ATAD2B: variants seen among roughly 807,000 people sequenced by gnomAD.
ATAD2B encodes ATPase family AAA domain containing 2B.
In ATAD2B, 40 loss-of-function variants were observed where a neutral mutation model predicts 167.6. That is an observed-to-expected ratio of 0.24 (90% CI 0.19 to 0.31). The LOEUF (loss-of-function observed/expected upper bound fraction) is 0.31. Ranked by LOEUF, ATAD2B falls within the 10% of genes least tolerant of loss-of-function variation. ATAD2B has a pLI of 1.00. For synonymous variants in ATAD2B, 579 were observed against 596.5 expected (o/e 0.97, Z 0.43); for missense variants, 1,242 against 1,757.2 (o/e 0.71, Z 5.24).
the ATAD2B span, among the ~76,000 whole-genome samples, chr2:23,730,998 C>T: frequency 6.6e-6 from 1 of 151,872 alleles, no homozygotes; most frequent in African/African-American, 2.4e-5. Context: ...ACAGATGAAA[C>T]AGAGATTACA....
chr2:23,732,172 G>T, the ATAD2B span, among the ~76,000 whole-genome samples: 1 of 152,118 alleles, frequency 6.6e-6, no homozygotes, highest in Non-Finnish European at 1.5e-5. Context: ...AAAGATAAAT[G>T]AACATAGCCT....
chr2:23,765,845 A>G (rs1175160895), intron 22 of ATAD2B, among the ~76,000 whole-genome samples: 1 of 152,188 alleles, frequency 6.6e-6, no homozygotes, highest in Non-Finnish European at 1.5e-5. Flanking sequence ...TCAAAGGACT[A>G]AACCTATTAC....
chr2:23,778,434 T>C (rs1365700627), intron 22 of ATAD2B, among the ~76,000 whole-genome samples: 1 of 152,182 alleles, frequency 6.6e-6, no homozygotes, highest in African/African-American at 2.4e-5. Context: ...CTTAGATTTG[T>C]TTCAAAATAG....
chr2:23,800,596 C>T (rs565982062), intron 18 of ATAD2B, among the ~76,000 whole-genome samples: 14 of 152,042 alleles, frequency 9.2e-5, no homozygotes, highest in African/African-American at 3.4e-4. Flanking sequence ...TTTTTTCCTC[C>T]AATTGTCTCA....
intron 15 of ATAD2B, among the ~76,000 whole-genome samples, chr2:23,826,991 T>G (rs1356471600): frequency 6.6e-6 from 1 of 152,216 alleles, no homozygotes; most frequent in African/African-American, 2.4e-5. Context: ...ACTGAACCTA[T>G]TCATGTTAAA....
Position 23,749,314 on chromosome 2 carries a change from G to C in ATAD2B, c.*2732C>G, listed in dbSNP as rs1359274592. 1 of 152,120 alleles carries C rather than the reference G, an allele frequency of 6.6e-6. No homozygotes were observed. The highest frequency in any genetic ancestry group is 1.5e-5 in the Non-Finnish European group (1 of 68,014). The allele number at this position is 152,120 out of a possible 1,614,324, so 9.4% of individuals were successfully genotyped here. On this transcript the variant is annotated 3_prime_UTR_variant, in exon 28 of 28. Transcript: ENST00000238789. Reference sequence around the variant, plus strand: ...TGAGCATGAATTATTGCTGAGCTATGCTGTGATACATATTTTACTCATCTG... The same window carrying C: ...TGAGCATGAATTATTGCTGAGCTATCCTGTGATACATATTTTACTCATCTG...
chr2:23,691,905 G>C, the ATAD2B span: 41 of 1,541,232 alleles, frequency 2.7e-5, no homozygotes, highest in Middle Eastern at 6.7e-4. Context: ...TATGTCGCTT[G>C]GGGGGAAGAG....
intron 13 of ATAD2B, among the ~76,000 whole-genome samples, chr2:23,839,872 A>G (rs1690605058): frequency 6.6e-6 from 1 of 152,092 alleles, no homozygotes; most frequent in Admixed American, 6.5e-5. Context: ...TTCTCCACCC[A>G]TACTGACCCT....
chr2:23,877,161 G>A (rs943989448), intron 7 of ATAD2B, among the ~76,000 whole-genome samples: 5 of 151,474 alleles, frequency 3.3e-5, no homozygotes, highest in African/African-American at 7.3e-5. Flanking sequence ...GCAGGGTCCC[G>A]GGACTTTGGA....
intron 1 of ATAD2B, among the ~76,000 whole-genome samples, chr2:23,909,855 T>G (rs559716384): frequency 3.9e-5 from 6 of 152,008 alleles, no homozygotes; most frequent in Admixed American, 6.6e-5. Flanking sequence ...GGTTGTTTTT[T>G]TTTGTTTGTT....
chr2:23,881,289 ATT>A (rs1214530630), intron 6 of ATAD2B, among the ~76,000 whole-genome samples: 2 of 151,708 alleles, frequency 1.3e-5, no homozygotes, highest in East Asian at 3.9e-4. Context: ...GCACATAAGC[ATT>A]GAGAGGGAGC....
chr2:23,696,730 C>T, the ATAD2B span: 7 of 484,722 alleles, frequency 1.4e-5, no homozygotes, highest in East Asian at 3.8e-5. The surrounding 1 kb of genome is among the most constrained non-coding windows in gnomAD (Gnocchi z 5.5). Flanking sequence ...CCTTTGCAGT[C>T]GCTGAGATGG....
chr2:23,861,256 C>T (rs925845155), intron 12 of ATAD2B, among the ~76,000 whole-genome samples: 1 of 149,466 alleles, frequency 6.7e-6, no homozygotes, highest in African/African-American at 2.5e-5. Context: ...TCAGTGAAAT[C>T]TCATAACAGT....
chr2:23,851,650 C>T (rs557000104), intron 13 of ATAD2B, among the ~76,000 whole-genome samples: 1 of 152,230 alleles, frequency 6.6e-6, no homozygotes, highest in Non-Finnish European at 1.5e-5. Context: ...AAGGTTCACG[C>T]TTGATGATAT....
At chr2:23,776,216 A>T (rs949657579) in intron 22 of ATAD2B, among the ~76,000 whole-genome samples, 1 of 152,174 alleles carries the variant, frequency 6.6e-6, no homozygotes, top group African/African-American at 2.4e-5. Flanking sequence ...CCTGCCCATA[A>T]ATCTGTTCCT....
intron 6 of ATAD2B, among the ~76,000 whole-genome samples, chr2:23,882,808 T>TCAA (rs570777960): frequency 6.8e-6 from 1 of 146,800 alleles, no homozygotes; most frequent in Admixed American, 6.9e-5. Context: ...AGACTCCATC[T>TCAA]CAACAACAAC....
chr2:23,871,738 CAT>C (rs1696003437), intron 8 of ATAD2B, among the ~76,000 whole-genome samples: 1 of 152,210 alleles, frequency 6.6e-6, no homozygotes, highest in Non-Finnish European at 1.5e-5. Context: ...CCAATGCCCA[CAT>C]GTCCCATTAG....
chr2:23,872,863 G>A (rs1007410126), intron 8 of ATAD2B: 7 of 908,656 alleles, frequency 7.7e-6, no homozygotes, highest in African/African-American at 1.6e-5. Context: ...CAAACTCATA[G>A]CCAGCCATCT....
In ATAD2B at chr2:23,757,780, G is replaced by A. The variant is rs1330937007; in HGVS notation, c.3716C>T (p.Ser1239Leu). 23 of 1,581,264 alleles carry A rather than the reference G, an allele frequency of 1.5e-5. No homozygotes were observed. The highest frequency in any genetic ancestry group is 2.7e-5 in the African/African-American group (2 of 73,060). Residue 1239 changes from serine to leucine, a missense_variant, in exon 25 of 28, where the codon TCA becomes TTA. Coordinates refer to ENST00000238789, the MANE Select transcript of ATAD2B (RefSeq NM_017552.4). ...ENFASTEEESSNESLLVNSSS... is the reference protein window; with the variant it reads ...ENFASTEEESLNESLLVNSSS... ...GCTGTTGACCAGTAGAGATTCATTT[G>A]AACTTTCCTCCTCAGTAGATGCAAA...
Sources: gnomAD v4.1 joint callset for allele counts (sites outside exome capture counted in the v4.1 genomes callset) on GRCh38, gnomAD v4.1.1 for gene constraint, Gnocchi (gnomAD v3.1) non-coding constraint, MANE v1.5 for transcripts, NCBI Gene and HGNC (gene_info 2026-07-23, HGNC 2026-07-21) for gene names.